The following ANKRD29 variants were observed in gnomAD, a reference collection of about 807,000 sequenced individuals.
The protein encoded by ANKRD29 is ankyrin repeat domain-containing protein 29.
ANKRD29 carries 32 observed loss-of-function variants against 38.0 expected under a neutral mutation model. The observed-to-expected ratio is 0.84, with a 90% CI of 0.64 to 1.13. The LOEUF is 1.13. Ranked by LOEUF, ANKRD29 falls within the 50% of genes most tolerant of loss-of-function variation. ANKRD29 has a pLI of 0.00. For missense variants in ANKRD29, 357 were observed against 377.9 expected (o/e 0.94, Z 0.46); for synonymous variants, 135 against 152.4 (o/e 0.89, Z 0.84).
chr18:23,636,088 C>T (rs559937774), intron 4 of ANKRD29, among the ~76,000 whole-genome samples: 19 of 152,270 alleles, frequency 1.2e-4, no homozygotes, highest in African/African-American at 4.1e-4. Context: ...AATAAAGTAA[C>T]AGAAAAGATA....
rs958917398 is a variant in ANKRD29 at position 23,659,145 on chromosome 18, C to T, written c.21+3565G>A. ...TACAGGCACCTGCCATGACGTCCAG[C>T]TAATTTTTGTATTTTTAGTAGAGAC... On this transcript the variant is annotated intron_variant, in intron 1 of 9. Coordinates refer to ENST00000592179, the MANE Select transcript of ANKRD29 (RefSeq NM_173505.4). 2.6e-5 allele frequency among the ~76,000 whole-genome samples: 4 copies of T among 152,250 alleles called. No homozygotes were observed. In the East Asian group the frequency reaches 7.7e-4, roughly 29 times the overall value.
rs190280394 is a variant in ANKRD29, at chr18:23,613,735, C to G, written c.724-1545G>C. 4.8e-3 allele frequency among the ~76,000 whole-genome samples: 731 copies of G among 151,234 alleles called. 6 individuals are homozygous for G. Among genetic ancestry groups the G allele is most frequent in the African/African-American group, 6.5e-3 (267 of 41,220 alleles). On this transcript the variant is annotated intron_variant, in intron 8 of 9. Coordinates refer to ENST00000592179, the MANE Select transcript of ANKRD29 (RefSeq NM_173505.4). ...CTGCCTCAGTCTTCCAAGTAGCTGG[C>G]ACTACAGGCGCCCGCCACACACCCG...
At chr18:23,629,805 C>A in intron 6 of ANKRD29, 48 bp downstream of exon 6, 1 of 1,536,130 alleles carries the variant, frequency 6.5e-7, no homozygotes. Context: ...CCAGCCCTCC[C>A]TGCCCCATGC....
intron 9 of ANKRD29, among the ~76,000 whole-genome samples, chr18:23,610,189 A>G (rs1384691682): frequency 2.0e-5 from 3 of 152,210 alleles, no homozygotes; most frequent in Non-Finnish European, 4.4e-5. Flanking sequence ...AAAAGTTTGT[A>G]GTTTATGGCT....
In ANKRD29 at chr18:23,619,558, G is replaced by A; in HGVS notation, c.600C>T (p.Arg200=). 2 of 1,596,968 alleles carry A rather than the reference G, an allele frequency of 1.3e-6. No homozygotes were observed. The highest frequency in any genetic ancestry group is 1.1e-5 in the South Asian group (1 of 90,760). Reference sequence around the variant, plus strand: ...TCCGCGCAGCGTCGCGGTCGGCTCCGCGCAGCAGCATCACCCGCACCACCT... The same window carrying A: ...TCCGCGCAGCGTCGCGGTCGGCTCCACGCAGCAGCATCACCCGCACCACCT... ...HSEVVRVMLL[R]GADRDAARND... is the part of the protein sequence containing the mutation. Residue 200 remains arginine, a synonymous_variant, in exon 7 of 10, where the codon CGC becomes CGT. Transcript: ENST00000592179.
In ANKRD29 at chr18:23,599,116, G is replaced by C. The variant is rs2059485006; in HGVS notation, c.*2110C>G. 6.6e-6 allele frequency: 1 copy of C among 152,184 alleles called. No individual in the cohort carries two copies. Among genetic ancestry groups the C allele is most frequent in the Admixed American group, 6.5e-5 (1 of 15,278 alleles). 9.4% of individuals were successfully genotyped at this position (152,184 alleles called of 1,614,324 possible). On this transcript the variant is annotated 3_prime_UTR_variant, in exon 10 of 10. Transcript: ENST00000592179. ...TAACATAGAATAATCATTTACATGT[G>C]TGCAAACTAAAATGCAATTTTGAAA...
Position 23,629,958 on chromosome 18 carries a change from G to C in ANKRD29, c.430-7C>G. On this transcript the variant is annotated splice_polypyrimidine_tract_variant and splice_region_variant and intron_variant, in intron 5 of 9. Coordinates refer to ENST00000592179, the MANE Select transcript of ANKRD29 (RefSeq NM_173505.4). ...AGAGGGCAGTGGCTCCATCCTGAGA[G>C]AGAACAAATTAAAAGCATTAAAAAC... The C allele has an allele frequency of 6.2e-7, 1 of 1,607,836 alleles. No individual in the cohort carries two copies. The highest frequency in any genetic ancestry group is 8.5e-7 in the Non-Finnish European group (1 of 1,174,644).
intron 7 of ANKRD29, among the ~76,000 whole-genome samples, chr18:23,619,218 T>C (rs1466258129): frequency 6.6e-6 from 1 of 151,986 alleles, no homozygotes; most frequent in East Asian, 1.9e-4. Flanking sequence ...GGGATCCCCC[T>C]AGGACACGCC....
At chr18:23,615,923 GTATATATTATATAGTA>G (rs979640967) in intron 8 of ANKRD29, among the ~76,000 whole-genome samples, 1 of 139,830 alleles carries the variant, frequency 7.2e-6, no homozygotes, top group Non-Finnish European at 1.5e-5. Context: ...TATATAGTAT[GTATATATTATATAGTA>G]TATAATATAT....
chr18:23,627,677 T>A (rs1328210345), intron 6 of ANKRD29, among the ~76,000 whole-genome samples: 5 of 152,166 alleles, frequency 3.3e-5, no homozygotes, highest in African/African-American at 1.2e-4. Context: ...CCAGAAATTA[T>A]TTTGGAAGGA....
At chr18:23,644,298 T>C (rs895474105) in intron 3 of ANKRD29, among the ~76,000 whole-genome samples, 5 of 152,246 alleles carry the variant, frequency 3.3e-5, no homozygotes, top group African/African-American at 1.2e-4. Context: ...TCCTTCAGGA[T>C]AAAGTTTTTA....
chr18:23,645,746 A>T (rs2060130824), intron 3 of ANKRD29, among the ~76,000 whole-genome samples: 1 of 152,218 alleles, frequency 6.6e-6, no homozygotes, highest in African/African-American at 2.4e-5. Flanking sequence ...ATTCATGGCC[A>T]GTTAGAGAGC....
intron 2 of ANKRD29, chr18:23,647,741 G>A (rs949409789): frequency 1.3e-5 from 2 of 152,144 alleles, no homozygotes; most frequent in Non-Finnish European, 2.9e-5. Context: ...GTGACAACTG[G>A]TGTTTCTGCC....
Position 23,636,763 on chromosome 18 carries a change from G to A in ANKRD29, c.330+2086C>T, listed in dbSNP as rs542190081. 2.8e-5 allele frequency among the ~76,000 whole-genome samples: 4 copies of A among 143,960 alleles called. No individual in the cohort carries two copies. In the South Asian group the frequency reaches 9.2e-4, roughly 33 times the overall value. 94.4% of individuals were successfully genotyped at this position (143,960 alleles called of 152,430 possible). On this transcript the variant is annotated intron_variant, in intron 4 of 9. Transcript: ENST00000592179. The stretch of plus-strand genomic sequence containing the variant: ...TAATTTTTGTATTTTTGATAAAGAC[G>A]GGGTTTCGCCATATTGCCCAGGCTG...
intron 2 of ANKRD29, chr18:23,647,053 G>C (rs2060148889): frequency 6.6e-6 from 1 of 152,232 alleles, no homozygotes; most frequent in Admixed American, 6.5e-5. Flanking sequence ...GCTCAGAAGT[G>C]GATGATGAGA....
At chr18:23,604,619 C>G (rs2059553404) in intron 9 of ANKRD29, among the ~76,000 whole-genome samples, 1 of 152,124 alleles carries the variant, frequency 6.6e-6, no homozygotes, top group South Asian at 2.1e-4. Context: ...CAACCTCCGC[C>G]TCCCCGGTTC....
chr18:23,643,524 C>T (rs1246837335), intron 3 of ANKRD29, among the ~76,000 whole-genome samples: 3 of 152,152 alleles, frequency 2.0e-5, no homozygotes, highest in Non-Finnish European at 4.4e-5. Context: ...TTACATAAAT[C>T]ATTATTAGAG....
chr18:23,601,007 A>C lies in ANKRD29; in HGVS notation c.*219T>G, dbSNP rs957008186. ...CCCCCCGGGAGATGAGTTACAGGAC[A>C]CCATGAGAAGTCCATGGTGAAGGGG... On this transcript the variant is annotated 3_prime_UTR_variant, in exon 10 of 10. Coordinates refer to ENST00000592179, the MANE Select transcript of ANKRD29 (RefSeq NM_173505.4). 4.4e-6 allele frequency: 2 copies of C among 449,728 alleles called. No homozygotes were observed. The highest frequency in any genetic ancestry group is 8.0e-6 in the Non-Finnish European group (2 of 250,290). 27.9% of individuals were successfully genotyped at this position (449,728 alleles called of 1,614,324 possible).
At chr18:23,612,769 T>C (rs1438255700) in intron 8 of ANKRD29, among the ~76,000 whole-genome samples, 2 of 152,122 alleles carry the variant, frequency 1.3e-5, no homozygotes, top group South Asian at 2.1e-4. Context: ...AAGGGCCTCA[T>C]AGGTCAGTTG....
Sources: gnomAD v4.1 joint callset for allele counts (sites outside exome capture counted in the v4.1 genomes callset) on GRCh38, gnomAD v4.1.1 for gene constraint, MANE v1.5 for transcripts, NCBI Gene and HGNC (gene_info 2026-07-23, HGNC 2026-07-21) for gene names.